HHAT: variants seen among roughly 807,000 people sequenced by gnomAD.
HHAT encodes the protein hedgehog acyltransferase, also known as protein-cysteine N-palmitoyltransferase HHAT.
A neutral mutation model predicts 70.8 loss-of-function variants in HHAT; 47 were observed. That is an observed-to-expected ratio of 0.66 (90% CI 0.53 to 0.85). The LOEUF is 0.85. HHAT is among the 40% of genes least tolerant of loss of function. The pLI is 0.00. For missense variants in HHAT, 609 were observed against 604.8 expected (o/e 1.01, Z -0.07); for synonymous variants, 228 against 247.6 (o/e 0.92, Z 0.74).
intron 4 of HHAT, among the ~76,000 whole-genome samples, chr1:210,391,039 T>C (rs970373996): frequency 6.6e-6 from 1 of 152,226 alleles, no homozygotes; most frequent in Non-Finnish European, 1.5e-5. Context: ...CTGGATCAAA[T>C]GGTAGTTTTA....
intron 11 of HHAT, among the ~76,000 whole-genome samples, chr1:210,666,577 G>A (rs188569770): frequency 3.6e-4 from 55 of 152,186 alleles, no homozygotes; most frequent in Admixed American, 2.1e-3. Context: ...TTTGCCTCCC[G>A]GGTTCAAGTG....
intron 9 of HHAT, among the ~76,000 whole-genome samples, chr1:210,526,365 CTG>C (rs1331985346): frequency 5.9e-5 from 1 of 16,910 alleles, no homozygotes; most frequent in Non-Finnish European, 2.6e-4. Context: ...AGAGTGGGTT[CTG>C]TTTTTTTTTT....
intron 3 of HHAT, among the ~76,000 whole-genome samples, chr1:210,372,407 T>C (rs2089645769): frequency 6.6e-6 from 1 of 152,240 alleles, no homozygotes; most frequent in African/African-American, 2.4e-5. Flanking sequence ...TTACTCTTGG[T>C]AACTTCTGTC....
chr1:210,449,792 C>T (rs2093711154), intron 7 of HHAT, among the ~76,000 whole-genome samples: 1 of 152,138 alleles, frequency 6.6e-6, no homozygotes, highest in South Asian at 2.1e-4. Context: ...AAGTGATGGT[C>T]ATTTAATTCA....
intron 8 of HHAT, among the ~76,000 whole-genome samples, chr1:210,487,978 G>A (rs2094497856): frequency 6.6e-6 from 1 of 152,116 alleles, no homozygotes; most frequent in African/African-American, 2.4e-5. Context: ...CTTCTCTGTA[G>A]CTCAGATGAT....
chr1:210,562,271 T>C (rs1002407357), intron 9 of HHAT, among the ~76,000 whole-genome samples: 11 of 151,986 alleles, frequency 7.2e-5, no homozygotes, highest in African/African-American at 2.7e-4. Context: ...AAAGGATATA[T>C]ATTTTTCTAA....
intron 9 of HHAT, among the ~76,000 whole-genome samples, chr1:210,528,180 C>T (rs2095273307): frequency 6.6e-6 from 1 of 152,148 alleles, no homozygotes; most frequent in African/African-American, 2.4e-5. Flanking sequence ...ACACATGGTC[C>T]TACAAGTGTG....
intron 4 of HHAT, among the ~76,000 whole-genome samples, chr1:210,394,577 G>C (rs992395632): frequency 2.6e-5 from 4 of 152,130 alleles, no homozygotes; most frequent in African/African-American, 9.7e-5. Flanking sequence ...GCCTGGTGTA[G>C]GGTTGAGGGT....
At position 210,435,568 on chromosome 1, in the gene HHAT, T is replaced by C. The variant is rs200378050; in HGVS notation, c.856+17243T>C. ...TTTATACTGTTTTTCATAGTGGCTGTAGTAGTTTACATTCCCACCAACAGT... is the reference window on the plus strand; with the variant it reads ...TTTATACTGTTTTTCATAGTGGCTGCAGTAGTTTACATTCCCACCAACAGT... On this transcript the variant is annotated intron_variant, in intron 7 of 11. Coordinates refer to ENST00000261458, the MANE Select transcript of HHAT (RefSeq NM_018194.6). Among the ~76,000 whole-genome samples, 12 of 151,828 alleles carry C rather than the reference T, an allele frequency of 7.9e-5. 1 individual carries two copies. The highest frequency in any genetic ancestry group is 2.7e-4 in the African/African-American group (11 of 41,110).
chr1:210,595,926 C>T (rs1473967810), intron 10 of HHAT, among the ~76,000 whole-genome samples: 3 of 152,096 alleles, frequency 2.0e-5, no homozygotes, highest in Admixed American at 6.5e-5. Flanking sequence ...GTTGCCTGAT[C>T]ACTCTGATGG....
chr1:210,527,447 C>T (rs564367364), intron 9 of HHAT, among the ~76,000 whole-genome samples: 40 of 152,232 alleles, frequency 2.6e-4, no homozygotes, highest in Middle Eastern at 3.4e-3. Flanking sequence ...TTTCGAGGAC[C>T]AAATAACATA....
intron 9 of HHAT, among the ~76,000 whole-genome samples, chr1:210,576,012 G>A (rs1657649197): frequency 6.6e-6 from 1 of 152,126 alleles, no homozygotes. Flanking sequence ...ACCCTCTGTA[G>A]GCTTCTCTGC....
At chr1:210,661,611 T>C (rs999720176) in intron 11 of HHAT, among the ~76,000 whole-genome samples, 3 of 152,222 alleles carry the variant, frequency 2.0e-5, no homozygotes, top group African/African-American at 4.8e-5. Flanking sequence ...CGTATGTTTA[T>C]TGCGGAACTA....
At chr1:210,499,454 T>C (rs2094712587) in intron 8 of HHAT, among the ~76,000 whole-genome samples, 3 of 152,228 alleles carry the variant, frequency 2.0e-5, no homozygotes, top group Admixed American at 6.5e-5. Context: ...CTGGCCAACA[T>C]GGTGAAACCC....
At chr1:210,347,129 C>A (rs144452446) in intron 1 of HHAT, among the ~76,000 whole-genome samples, 44 of 152,312 alleles carry the variant, frequency 2.9e-4, no homozygotes, top group African/African-American at 9.9e-4. Context: ...AGAATTTATT[C>A]ATCCTGTCCA....
intron 4 of HHAT, among the ~76,000 whole-genome samples, chr1:210,395,874 C>T (rs1452123640): frequency 2.0e-5 from 3 of 152,196 alleles, no homozygotes; most frequent in East Asian, 1.9e-4. Flanking sequence ...CAACTATTCT[C>T]TCCATCCTTC....
At chr1:210,553,903 G>T (rs939201257) in intron 9 of HHAT, among the ~76,000 whole-genome samples, 1 of 152,044 alleles carries the variant, frequency 6.6e-6, no homozygotes, top group Non-Finnish European at 1.5e-5. Flanking sequence ...CTCCTGCCTG[G>T]GGCTGACATA....
intron 9 of HHAT, among the ~76,000 whole-genome samples, chr1:210,586,179 C>T (rs945934723): frequency 2.6e-5 from 4 of 152,156 alleles, no homozygotes; most frequent in Non-Finnish European, 5.9e-5. Flanking sequence ...TATAGTGACT[C>T]ATACCTGTAA....
intron 8 of HHAT, 140 bp downstream of exon 8, chr1:210,464,795 C>T (rs542745350): frequency 6.3e-6 from 5 of 790,924 alleles, no homozygotes; most frequent in East Asian, 2.7e-5. Flanking sequence ...CTTCATCCTA[C>T]TAACAGGATG....
Sources: gnomAD v4.1 joint callset for allele counts (sites outside exome capture counted in the v4.1 genomes callset) on GRCh38, gnomAD v4.1.1 for gene constraint, MANE v1.5 for transcripts, NCBI Gene and HGNC (gene_info 2026-07-23, HGNC 2026-07-21) for gene names.